CDC73: variants seen among roughly 807,000 people sequenced by gnomAD.
CDC73 encodes parafibromin.
CDC73 carries 21 observed loss-of-function variants against 83.7 expected under a neutral mutation model. The ratio of observed to expected loss-of-function variants is 0.25; its 90% CI spans 0.18 to 0.36. The LOEUF (loss-of-function observed/expected upper bound fraction) is 0.36, where lower values mean the gene tolerates loss of function less well. Ranked by LOEUF, CDC73 falls within the 10% of genes least tolerant of loss-of-function variation. The pLI, the probability that CDC73 is intolerant of heterozygous loss-of-function variation, is 1.00. For missense variants in CDC73, 342 were observed against 653.3 expected, an observed-to-expected ratio of 0.52 and a Z score of 5.19; for synonymous variants, 224 against 212.9, an observed-to-expected ratio of 1.05 and a Z score of -0.45.
intron 10 of CDC73, among the ~76,000 whole-genome samples, chr1:193,182,237 A>T (rs1373151146): frequency 1.3e-5 from 2 of 152,110 alleles, no homozygotes; most frequent in African/African-American, 4.8e-5. Context: ...TGAGAAAGTC[A>T]ATGAGAAGAT....
chr1:193,148,887 A>C (rs1187901180), intron 8 of CDC73, among the ~76,000 whole-genome samples: 1 of 151,820 alleles, frequency 6.6e-6, no homozygotes, highest in Non-Finnish European at 1.5e-5. Context: ...ACCTCAGGTG[A>C]TCTGCCCACC....
At chr1:193,162,384 A>C (rs1242103699) in intron 10 of CDC73, among the ~76,000 whole-genome samples, 2 of 142,574 alleles carry the variant, frequency 1.4e-5, no homozygotes, top group Non-Finnish European at 3.0e-5. Flanking sequence ...ATATATATAC[A>C]CATATGAAGA....
chr1:193,244,240 G>A (rs963770200), intron 15 of CDC73, among the ~76,000 whole-genome samples: 5 of 152,120 alleles, frequency 3.3e-5, no homozygotes, highest in African/African-American at 1.2e-4. Context: ...CAACTAGTTG[G>A]GAAATTTTGC....
At chr1:193,249,608 A>T in intron 15 of CDC73, 122 bp from the exon 16 acceptor site, 1 of 759,972 alleles carries the variant, frequency 1.3e-6, no homozygotes, top group Non-Finnish European at 2.2e-6. Context: ...GAATGTTTTT[A>T]AAGATAATAT....
chr1:193,153,862 C>T (rs1009257123), intron 10 of CDC73, among the ~76,000 whole-genome samples: 9 of 152,100 alleles, frequency 5.9e-5, no homozygotes, highest in Non-Finnish European at 1.2e-4. Flanking sequence ...AGATACTTCT[C>T]TCAGGAGGTA....
chr1:193,142,460 C>G (rs1055793232), intron 7 of CDC73, among the ~76,000 whole-genome samples: 39 of 152,070 alleles, frequency 2.6e-4, no homozygotes, highest in African/African-American at 9.2e-4. Flanking sequence ...TTATGGAAAT[C>G]TGTAGCAAAC....
chr1:193,193,444 A>G (rs548007526), intron 10 of CDC73, among the ~76,000 whole-genome samples: 10 of 152,154 alleles, frequency 6.6e-5, no homozygotes, highest in African/African-American at 2.2e-4. Context: ...CTGTGTTTTG[A>G]TACTTTTGTG....
chr1:193,248,732 A>G (rs868721362), intron 15 of CDC73, among the ~76,000 whole-genome samples: 41 of 152,058 alleles, frequency 2.7e-4, no homozygotes, highest in Admixed American at 2.4e-3. Flanking sequence ...TGGAGGAAAT[A>G]AAGATAGGGT....
At chr1:193,180,171 C>T in intron 10 of CDC73, 1 of 813,688 alleles carries the variant, frequency 1.2e-6, no homozygotes, top group Non-Finnish European at 1.7e-6. Flanking sequence ...TAAAAAAATA[C>T]TTCTTGAATT....
intron 8 of CDC73, 117 bp downstream of exon 8, chr1:193,148,082 C>A: frequency 1.3e-6 from 1 of 748,570 alleles, no homozygotes; most frequent in Non-Finnish European, 2.4e-6. Context: ...ACCTTTTGCT[C>A]CTTTAGCATA....
At chr1:193,151,618 G>A (rs1210768905) in intron 9 of CDC73, among the ~76,000 whole-genome samples, 1 of 152,170 alleles carries the variant, frequency 6.6e-6, no homozygotes, top group African/African-American at 2.4e-5. Context: ...TTACAACATT[G>A]CTTTCTATAA....
rs192561825 is a variant in CDC73 at position 193,225,401 on chromosome 1, C to T, written c.1155-7592C>T. On this transcript the variant is annotated intron_variant, in intron 13 of 16. Coordinates refer to ENST00000367435, the MANE Select transcript of CDC73 (RefSeq NM_024529.5). ...AGGTATCTTTTTTGTATCATGACTTCTTTTCTTCTGGGTAGATACTCAGTA... is the reference window on the plus strand; with the variant it reads ...AGGTATCTTTTTTGTATCATGACTTTTTTTCTTCTGGGTAGATACTCAGTA... Among the ~76,000 whole-genome samples, 1,103 of 152,112 alleles carry T rather than the reference C, an allele frequency of 7.3e-3. 7 individuals are homozygous for T. Among genetic ancestry groups the T allele is most frequent in the Middle Eastern group, 0.014 (4 of 294 alleles).
intron 2 of CDC73, among the ~76,000 whole-genome samples, chr1:193,125,595 G>C (rs75880356): frequency 1.4e-5 from 2 of 139,146 alleles, no homozygotes; most frequent in African/African-American, 5.3e-5. Flanking sequence ...TTTTTTTTTT[G>C]AGATAGGATC....
chr1:193,209,381 T>A (rs901650276), intron 11 of CDC73, among the ~76,000 whole-genome samples: 4 of 152,228 alleles, frequency 2.6e-5, no homozygotes, highest in African/African-American at 9.6e-5. Context: ...TATTATTTTT[T>A]AAATTCTCAC....
intron 6 of CDC73, among the ~76,000 whole-genome samples, chr1:193,139,182 T>C (rs1675856529): frequency 6.6e-6 from 1 of 152,236 alleles, no homozygotes; most frequent in Non-Finnish European, 1.5e-5. Flanking sequence ...TAGTTTCTGT[T>C]GTGTTTTCAA....
intron 13 of CDC73, among the ~76,000 whole-genome samples, chr1:193,224,898 A>C (rs1677539948): frequency 6.6e-6 from 1 of 152,090 alleles, no homozygotes; most frequent in South Asian, 2.1e-4. Context: ...CTTTAAAAAA[A>C]AATTTATTTC....
At chr1:193,197,920 A>T (rs2103173020) in intron 10 of CDC73, among the ~76,000 whole-genome samples, 1 of 134,046 alleles carries the variant, frequency 7.5e-6, no homozygotes, top group South Asian at 2.4e-4. Flanking sequence ...GTGAGATACC[A>T]TCTCACCAAA....
At chr1:193,222,587 A>G (rs1205816147) in intron 13 of CDC73, among the ~76,000 whole-genome samples, 3 of 152,100 alleles carry the variant, frequency 2.0e-5, no homozygotes, top group Non-Finnish European at 4.4e-5. Flanking sequence ...TATGAGGGAA[A>G]TCTGTTCCGT....
chr1:193,238,681 TAAACA>T (rs1677805835), intron 15 of CDC73, among the ~76,000 whole-genome samples: 1 of 152,236 alleles, frequency 6.6e-6, no homozygotes, highest in Non-Finnish European at 1.5e-5. Flanking sequence ...ACTGATAACA[TAAACA>T]GTCGATTAAC....
Sources: allele counts gnomAD v4.1 joint callset (sites outside exome capture counted in the v4.1 genomes callset), GRCh38; gene constraint gnomAD v4.1.1; transcripts MANE v1.5; gene names NCBI Gene and HGNC (gene_info 2026-07-23, HGNC 2026-07-21).